The following ZNF517 variants were observed in gnomAD, a reference collection of about 807,000 sequenced individuals.
The protein encoded by ZNF517 is zinc finger protein 517.
In ZNF517, 12 loss-of-function variants were observed where a neutral mutation model predicts 12.1. That is an observed-to-expected ratio of 0.99 (90% CI 0.63 to 1.61). The LOEUF (loss-of-function observed/expected upper bound fraction) is 1.61. Among genes scored for constraint, ZNF517 ranks in the 40% most tolerant of loss-of-function variants. The probability of loss-of-function intolerance (pLI) is 0.00; values close to 1 mark genes in which losing one functional copy is unlikely to be tolerated. For synonymous variants in ZNF517, 388 were observed against 310.2 expected (o/e 1.25, Z -2.63); for missense variants, 781 against 693.2 (o/e 1.13, Z -1.42).
At chr8:144,803,920 C>G (rs1432327825) in intron 3 of ZNF517, 153 bp downstream of exon 3, 1 of 1,234,238 alleles carries the variant, frequency 8.1e-7, no homozygotes, top group Admixed American at 2.6e-5. Context: ...TGTTGGGCAC[C>G]CACTGCCAGC....
Position 144,807,594 on chromosome 8 carries a change from C to G in ZNF517, c.678C>G (p.Ile226Met). ...QSSILLRHQLIHTEEKPFQCG... is the reference protein window; with the variant it reads ...QSSILLRHQLMHTEEKPFQCG... ...CCATCCTGCTGCGGCACCAGCTGAT[C>G]CACACTGAGGAGAAGCCGTTCCAGT... The change falls in exon 5 of 5, where the codon ATC becomes ATG. Residue 226 changes from isoleucine to methionine, a missense_variant. Coordinates refer to ENST00000359971, the MANE Select transcript of ZNF517 (RefSeq NM_213605.3). The G allele has an allele frequency of 6.2e-7, 1 of 1,606,606 alleles. No homozygotes were observed. Among genetic ancestry groups the G allele is most frequent in the Admixed American group, 1.7e-5 (1 of 59,086 alleles).
intron 4 of ZNF517, among the ~76,000 whole-genome samples, chr8:144,805,656 C>T (rs185941789): frequency 4.4e-4 from 61 of 139,836 alleles, no homozygotes; most frequent in Non-Finnish European, 7.9e-4. Context: ...GACGGAGTCT[C>T]GCACTTTGGC....
Position 144,807,379 on chromosome 8 carries a change from G to A in ZNF517, c.463G>A (p.Glu155Lys), listed in dbSNP as rs1183269180. 1.3e-6 allele frequency: 2 copies of A among 1,556,734 alleles called. No individual in the cohort carries two copies. Among genetic ancestry groups the A allele is most frequent in the African/African-American group, 1.4e-5 (1 of 73,158 alleles). Residue 155 changes from glutamate (E) to lysine (K), a missense_variant, in exon 5 of 5, where the codon GAG (glutamate) becomes AAG (lysine). Transcript: ENST00000359971. ...SDKPTHPRAR[E>K]HSASPRVLQE... The stretch of plus-strand genomic sequence containing the variant: ...TAAACCCACCCACCCCCGGGCTCGG[G>A]AGCACAGCGCCTCCCCAAGGGTTCT...
intron 1 of ZNF517, among the ~76,000 whole-genome samples, chr8:144,801,699 T>TGTCTCCACC (rs1172190136): frequency 6.6e-6 from 1 of 152,134 alleles, no homozygotes; most frequent in Non-Finnish European, 1.5e-5. Context: ...GGATGGTCTC[T>TGTCTCCACC]GTCTCCACCG....
In ZNF517 at chr8:144,804,311, C is replaced by T. The variant is rs1827119053; in HGVS notation, c.274+73C>T. The T allele has an allele frequency of 3.5e-6, 4 of 1,141,768 alleles. No individual in the cohort carries two copies. In the South Asian group the frequency reaches 6.0e-5, roughly 17 times the overall value. 70.7% of individuals were successfully genotyped at this position (1,141,768 alleles called of 1,614,324 possible). A position where few individuals can be genotyped will look rare whatever the true frequency, so the allele number is the denominator to read the frequency against. ...CTGGCCTCCGGGCAGCTCTGCAGGT[C>T]CCTTCTTCTACAGTGGGAGGTGTGT... is the stretch of plus-strand genomic sequence containing the variant. On this transcript the variant is annotated intron_variant, in intron 4 of 4. Transcript: ENST00000359971.
chr8:144,813,069 A>G (rs1228085173), downstream of ZNF517, among the ~76,000 whole-genome samples: 1 of 151,976 alleles, frequency 6.6e-6, no homozygotes, highest in Non-Finnish European at 1.5e-5. Context: ...TGTAATACTA[A>G]CACTTTGGGA....
rs1468622327 is a variant in ZNF517 at position 144,807,431 on chromosome 8, G to A, written c.515G>A (p.Gly172Glu). The part of the protein sequence containing the change: ...VLQEDLGRPV[G>E]SSAPRYRCVC... Reference sequence around the variant, plus strand: ...CAGGAAGACCTGGGCCGGCCTGTGGGGAGCTCAGCCCCCCGCTACAGGTGC... The same window carrying A: ...CAGGAAGACCTGGGCCGGCCTGTGGAGAGCTCAGCCCCCCGCTACAGGTGC... The change falls in exon 5 of 5, where the codon GGG (glycine) becomes GAG (glutamate). Residue 172 changes from glycine to glutamate, a missense_variant. By Grantham distance (98) the Gly-to-Glu change is moderately conservative. Transcript: ENST00000359971. 5 of 1,570,880 alleles carry A rather than the reference G, an allele frequency of 3.2e-6. No homozygotes were observed. The East Asian group carries it at 1.2e-4, about 38-fold the overall frequency.
chr8:144,805,148 C>G (rs1156685378), intron 4 of ZNF517, among the ~76,000 whole-genome samples: 1 of 152,232 alleles, frequency 6.6e-6, no homozygotes, highest in East Asian at 1.9e-4. Context: ...CCAAGGTCAA[C>G]TAAGTAACGG....
intron 4 of ZNF517, among the ~76,000 whole-genome samples, chr8:144,806,538 G>A (rs1827231845): frequency 6.6e-6 from 1 of 152,146 alleles, no homozygotes; most frequent in Non-Finnish European, 1.5e-5. Context: ...AGGCTGGAGT[G>A]CAGTGGTGCG....
chr8:144,809,724 C>T lies in ZNF517; in HGVS notation c.*1329C>T, dbSNP rs898996059. ...GACAGCCTATGGGAGGACTTCTCAG[C>T]CTCCATAAGTGTGTGGGCCAGTTCG... On this transcript the variant is annotated 3_prime_UTR_variant, in exon 5 of 5. Transcript: ENST00000359971. The T allele has an allele frequency of 6.5e-6, 1 of 154,386 alleles. No homozygotes were observed. The highest frequency in any genetic ancestry group is 1.4e-5 in the Non-Finnish European group (1 of 69,560). 9.6% of individuals were successfully genotyped at this position (154,386 alleles called of 1,614,324 possible). A position where few individuals can be genotyped will look rare whatever the true frequency, so the allele number is the denominator to read the frequency against.
chr8:144,799,476 G>A (rs891525433), intron 1 of ZNF517, among the ~76,000 whole-genome samples: 8 of 152,248 alleles, frequency 5.3e-5, no homozygotes, highest in Non-Finnish European at 1.0e-4. Flanking sequence ...AGCCCGCCTC[G>A]CCTCCAGGAG....
chr8:144,800,781 T>C, intron 1 of ZNF517: 1 of 778,028 alleles, frequency 1.3e-6, no homozygotes, highest in Non-Finnish European at 1.6e-6. Context: ...AGGGCTCTGC[T>C]GCCAAATGTC....
chr8:144,801,025 C>G (rs1026890684), intron 1 of ZNF517, among the ~76,000 whole-genome samples: 7 of 152,254 alleles, frequency 4.6e-5, no homozygotes, highest in Admixed American at 4.6e-4. Flanking sequence ...AGAAGGGTTT[C>G]ACCATGTTGG....
chr8:144,799,683 G>C (rs1218701269), intron 1 of ZNF517, among the ~76,000 whole-genome samples: 2 of 152,226 alleles, frequency 1.3e-5, no homozygotes, highest in East Asian at 3.8e-4. Context: ...GCTCACGCCT[G>C]TAATCCCAGC....
chr8:144,803,965 C>A, intron 3 of ZNF517, 160 bp from the exon 4 acceptor site: 1 of 1,033,754 alleles, frequency 9.7e-7, no homozygotes, highest in Non-Finnish European at 1.4e-6. Context: ...CTGGGGCAGG[C>A]CCCCCATCTC....
intron 1 of ZNF517, among the ~76,000 whole-genome samples, chr8:144,799,945 A>G (rs909278577): frequency 2.0e-5 from 3 of 152,208 alleles, no homozygotes; most frequent in South Asian, 4.1e-4. Context: ...GTCGCAAACA[A>G]CAGCAACAAC....
intron 3 of ZNF517, 79 bp from the exon 4 acceptor site, chr8:144,804,046 T>C: frequency 7.1e-7 from 1 of 1,403,590 alleles, no homozygotes. Context: ...CTCTGTGCCC[T>C]GATGGCCTCC....
downstream of ZNF517, among the ~76,000 whole-genome samples, chr8:144,813,247 C>T (rs537036400): frequency 1.8e-4 from 26 of 146,726 alleles, no homozygotes; most frequent in African/African-American, 5.6e-4. Flanking sequence ...ACCTGGGCGT[C>T]GGAGGTTGCA....
In ZNF517 at chr8:144,808,571, C is replaced by A; in HGVS notation, c.*176C>A. 1 of 916,982 alleles carries A rather than the reference C, an allele frequency of 1.1e-6. No individual in the cohort carries two copies. Among genetic ancestry groups the A allele is most frequent in the Non-Finnish European group, 1.5e-6 (1 of 681,860 alleles). 56.8% of individuals were successfully genotyped at this position (916,982 alleles called of 1,614,324 possible). The stretch of plus-strand genomic sequence containing the variant: ...CCGGGCACTGGGGAGGGAAAGGGCA[C>A]CAGGCAGCCCGTGGTGTGGCCTCAG... On this transcript the variant is annotated 3_prime_UTR_variant, in exon 5 of 5. Transcript: ENST00000359971.
Sources: gnomAD v4.1 joint callset for allele counts (sites outside exome capture counted in the v4.1 genomes callset) on GRCh38, gnomAD v4.1.1 for gene constraint, MANE v1.5 for transcripts, NCBI Gene and HGNC (gene_info 2026-07-23, HGNC 2026-07-21) for gene names.